ROBO1: variants seen among roughly 807,000 people sequenced by gnomAD.
ROBO1 encodes the protein roundabout guidance receptor 1.
In ROBO1, 149 loss-of-function variants were observed where a neutral mutation model predicts 195.9. That is an observed-to-expected ratio of 0.76 (90% CI 0.67 to 0.87). The LOEUF (loss-of-function observed/expected upper bound fraction) is 0.87. Among genes scored for constraint, ROBO1 ranks in the 40% least tolerant of loss-of-function variants. The probability of loss-of-function intolerance (pLI) is 0.00; values close to 1 mark genes in which losing one functional copy is unlikely to be tolerated. For synonymous variants in ROBO1, 816 were observed against 733.2 expected, an observed-to-expected ratio of 1.11 and a Z score of -1.82; for missense variants, 1,933 against 2,068.3, an observed-to-expected ratio of 0.93 and a Z score of 1.27.
chr3:79,078,126 A>G (rs1326808764), intron 3 of ROBO1, among the ~76,000 whole-genome samples: 1 of 151,790 alleles, frequency 6.6e-6, no homozygotes, highest in East Asian at 1.9e-4. Flanking sequence ...TAAAATGAAG[A>G]AAAAGTGAAT....
At chr3:79,670,245 A>C (rs943379571) in intron 1 of ROBO1, among the ~76,000 whole-genome samples, 1 of 151,908 alleles carries the variant, frequency 6.6e-6, no homozygotes, top group Non-Finnish European at 1.5e-5. Flanking sequence ...GTTCATGTTC[A>C]GTTTATTTAG....
chr3:78,796,258 CA>C (rs1269481696), intron 4 of ROBO1, among the ~76,000 whole-genome samples: 3 of 16,754 alleles, frequency 1.8e-4, no homozygotes, highest in African/African-American at 7.9e-4. Flanking sequence ...AAAAGAATAA[CA>C]AATAATAAGA....
At chr3:79,744,989 A>G (rs1391752962) in intron 1 of ROBO1, among the ~76,000 whole-genome samples, 1 of 152,136 alleles carries the variant, frequency 6.6e-6, no homozygotes, top group East Asian at 1.9e-4. Flanking sequence ...TCCAGGATAT[A>G]AATGGTATCC....
At chr3:79,001,339 T>C (rs2077500264) in intron 3 of ROBO1, among the ~76,000 whole-genome samples, 1 of 152,056 alleles carries the variant, frequency 6.6e-6, no homozygotes, top group African/African-American at 2.4e-5. Flanking sequence ...CTCACTATCA[T>C]GAGAACAGCA....
chr3:79,694,243 C>T (rs772649855), intron 1 of ROBO1, among the ~76,000 whole-genome samples: 1 of 151,772 alleles, frequency 6.6e-6, no homozygotes, highest in African/African-American at 2.4e-5. Flanking sequence ...CTCATTTTGA[C>T]AGTAGAATGT....
At position 78,670,136 on chromosome 3, in the gene ROBO1, T is replaced by C; in HGVS notation, c.1508A>G (p.Lys503Arg). The C allele has an allele frequency of 1.9e-6, 3 of 1,613,586 alleles. No individual in the cohort carries two copies. Among genetic ancestry groups the C allele is most frequent in the Non-Finnish European group, 2.5e-6 (3 of 1,179,726 alleles). ...CTGCAGTACTCCATTCTCCAACTGT[T>C]TGATTCGAGAGTCTTGGGTTGAAAC... ...VLVSTQDSRI[K>R]QLENGVLQIR... The change falls in exon 11 of 31, where the codon AAA becomes AGA. Residue 503 changes from lysine to arginine, a missense_variant. This residue lies in a region of ROBO1 where 1,737 missense variants were observed against 1,882.5 expected (regional missense o/e 0.92). Transcript: ENST00000464233.
chr3:78,838,911 C>A (rs2032963884), intron 4 of ROBO1, among the ~76,000 whole-genome samples: 1 of 152,184 alleles, frequency 6.6e-6, no homozygotes, highest in Non-Finnish European at 1.5e-5. Context: ...TTAGATTAAA[C>A]CTGGCACTCC....
chr3:79,685,037 G>A (rs1285873170), intron 1 of ROBO1, among the ~76,000 whole-genome samples: 1 of 152,054 alleles, frequency 6.6e-6, no homozygotes, highest in Non-Finnish European at 1.5e-5. Flanking sequence ...GTTTGACATT[G>A]TTGCTCTTTT....
chr3:79,428,133 T>C (rs935655883), intron 2 of ROBO1, among the ~76,000 whole-genome samples: 5 of 151,936 alleles, frequency 3.3e-5, no homozygotes, highest in Non-Finnish European at 5.9e-5. Context: ...GATTAAAAAA[T>C]GGGCAAAATA....
intron 4 of ROBO1, among the ~76,000 whole-genome samples, chr3:78,767,400 G>A (rs2083258356): frequency 6.6e-6 from 1 of 151,962 alleles, no homozygotes; most frequent in African/African-American, 2.4e-5. Context: ...TGAGTAGCTG[G>A]GATTACAGGC....
intron 3 of ROBO1, among the ~76,000 whole-genome samples, chr3:78,942,447 A>T (rs898182156): frequency 6.6e-6 from 1 of 152,140 alleles, no homozygotes; most frequent in Admixed American, 6.5e-5. Flanking sequence ...ATGCAAATAC[A>T]CAGGATGGAG....
chr3:78,860,720 A>T (rs2034779590), intron 4 of ROBO1, among the ~76,000 whole-genome samples: 1 of 152,076 alleles, frequency 6.6e-6, no homozygotes, highest in African/African-American at 2.4e-5. Context: ...CCCATGCGAG[A>T]ACCTTCCAGA....
At chr3:78,809,976 TTAAAG>T (rs1005904296) in intron 4 of ROBO1, among the ~76,000 whole-genome samples, 13 of 145,172 alleles carry the variant, frequency 9.0e-5, no homozygotes, top group Non-Finnish European at 1.3e-4. Context: ...ATCCCAGAAC[TTAAAG>T]TATAGTAAAA....
rs138197152 is a variant in ROBO1 at position 78,864,261 on chromosome 3, T to C, written c.499+74340A>G. Among the ~76,000 whole-genome samples the C allele has an allele frequency of 5.6e-3, 846 of 152,282 alleles. 11 individuals are homozygous for C. The highest frequency in any genetic ancestry group is 0.018 in the African/African-American group (766 of 41,572). Reference sequence around the variant, plus strand: ...CTTTGCCTTGAATGATGGTAGCTCTTAGCCAAAAGAAATAATTCTGGCATC... The same window carrying C: ...CTTTGCCTTGAATGATGGTAGCTCTCAGCCAAAAGAAATAATTCTGGCATC... On this transcript the variant is annotated intron_variant, in intron 4 of 30. Coordinates refer to ENST00000464233, the MANE Select transcript of ROBO1 (RefSeq NM_002941.4).
At chr3:79,471,354 T>C (rs77889298) in intron 2 of ROBO1, among the ~76,000 whole-genome samples, 5,233 of 152,260 alleles carry the variant, frequency 0.034, 205 homozygotes, top group African/African-American at 0.098. Context: ...CAGTCAACAG[T>C]GCAAAGAGAC....
intron 1 of ROBO1, among the ~76,000 whole-genome samples, chr3:79,680,440 T>A (rs756446142): frequency 4.6e-5 from 7 of 152,058 alleles, no homozygotes; most frequent in Non-Finnish European, 1.0e-4. Flanking sequence ...AATTATCATC[T>A]GAGTGAAGAA....
chr3:79,236,148 G>A (rs183378827), intron 2 of ROBO1, among the ~76,000 whole-genome samples: 52 of 152,084 alleles, frequency 3.4e-4, no homozygotes, highest in African/African-American at 7.5e-4. Flanking sequence ...ATGAACACAC[G>A]TATGACATTT....
At chr3:79,092,479 C>A (rs1399728497) in intron 3 of ROBO1, among the ~76,000 whole-genome samples, 1 of 152,120 alleles carries the variant, frequency 6.6e-6, no homozygotes, top group Non-Finnish European at 1.5e-5. Context: ...AATTGCCAGA[C>A]AGAGATGTCA....
chr3:79,116,188 T>A (rs2079990379), intron 3 of ROBO1, among the ~76,000 whole-genome samples: 1 of 152,126 alleles, frequency 6.6e-6, no homozygotes, highest in African/African-American at 2.4e-5. Context: ...GTGCTTAATT[T>A]CCATACATAA....
Sources: gnomAD v4.1 joint callset for allele counts (sites outside exome capture counted in the v4.1 genomes callset) on GRCh38, gnomAD v4.1.1 for gene constraint, gnomAD v4.1.1 regional missense constraint, MANE v1.5 for transcripts, NCBI Gene and HGNC (gene_info 2026-07-23, HGNC 2026-07-21) for gene names.